Variants in ATM observed in about 807,000 individuals in gnomAD.
ATM encodes the protein ATM serine/threonine kinase.
Under a neutral mutation model 387.0 loss-of-function variants are expected in ATM, and 308 were observed. The ratio of observed to expected loss-of-function variants is 0.80; its 90% CI spans 0.73 to 0.87. The LOEUF is 0.87. Ranked by LOEUF, ATM falls within the 40% of genes least tolerant of loss-of-function variation. The pLI, the probability that ATM is intolerant of heterozygous loss-of-function variation, is 0.00. For synonymous variants in ATM, 1,156 were observed against 1,187.3 expected, an observed-to-expected ratio of 0.97 and a Z score of 0.54; for missense variants, 3,312 against 3,560.9, an observed-to-expected ratio of 0.93 and a Z score of 1.78.
intron 1 of ATM, chr11:108,226,405 A>G (rs527615274): frequency 6.6e-6 from 1 of 152,338 alleles, no homozygotes; most frequent in South Asian, 2.1e-4. Flanking sequence ...AGAGAGTTTG[A>G]TTATATCAGA....
chr11:108,241,534 T>G (rs2079556364), intron 5 of ATM, among the ~76,000 whole-genome samples: 1 of 151,078 alleles, frequency 6.6e-6, no homozygotes, highest in African/African-American at 2.5e-5. Flanking sequence ...AGTATTTAAA[T>G]AGGAATTTTT....
chr11:108,271,181 A>T (rs2135549719), intron 19 of ATM, 35 bp downstream of exon 19: 2 of 1,613,268 alleles, frequency 1.2e-6, no homozygotes, highest in Non-Finnish European at 1.7e-6. Context: ...TGTTCACTTT[A>T]AAGTTATAAA....
At chr11:108,356,329 A>T (rs1467527299) in intron 61 of ATM, among the ~76,000 whole-genome samples, 2 of 152,180 alleles carry the variant, frequency 1.3e-5, no homozygotes, top group East Asian at 3.8e-4. Context: ...TGAGGTCAGG[A>T]GTTCAAGACC....
rs754579737 is a variant in ATM at position 108,293,435 on chromosome 11, G to A, written c.4734G>A (p.Gln1578=). The change falls in exon 31 of 63, where the codon CAG becomes CAA. Residue 1578 remains glutamine (Q), a synonymous_variant. Coordinates refer to ENST00000675843, the MANE Select transcript of ATM (RefSeq NM_000051.4). ...TTTTTAAGGATTTGCGTATTACTCA[G>A]CAAAAAATCAAATACAGTAGAGGAC... ...HVVFKDLRIT[Q]QKIKYSRGPF... is the part of the protein sequence containing the mutation. 6.2e-7 allele frequency: 1 copy of A among 1,612,634 alleles called. No homozygotes were observed. Among genetic ancestry groups the A allele is most frequent in the South Asian group, 1.1e-5 (1 of 91,018 alleles).
rs587778069 is a variant in ATM, at chr11:108,271,098, A to G, written c.2873A>G (p.Glu958Gly). 5.6e-5 allele frequency: 90 copies of G among 1,614,012 alleles called. 1 individual carries two copies. The South Asian group carries it at 9.1e-4, about 16-fold the overall frequency. ...LMLLKELPGE[E>G]YPLPMEDVLE... is the part of the protein sequence containing the mutation. The stretch of plus-strand genomic sequence containing the variant: ...CTTTTAAAGGAGCTTCCTGGAGAAG[A>G]GTACCCCTTGCCAATGGAAGATGTT... The change falls in exon 19 of 63, where the codon GAG becomes GGG. Residue 958 changes from glutamate (E) to glycine (G), a missense_variant. Glu to Gly is a moderately conservative substitution (Grantham distance 98). This residue lies in a region of ATM where 1,791 missense variants were observed against 1,804.5 expected (regional missense o/e 0.99). Coordinates refer to ENST00000675843, the MANE Select transcript of ATM (RefSeq NM_000051.4).
At chr11:108,300,433 CTTAT>C (rs1347981276) in intron 34 of ATM, among the ~76,000 whole-genome samples, 2 of 152,192 alleles carry the variant, frequency 1.3e-5, no homozygotes, top group Non-Finnish European at 2.9e-5. Flanking sequence ...CTTTCTCTCT[CTTAT>C]TTATTTGTTG....
At chr11:108,252,068 GT>G (rs2080183793) in intron 11 of ATM, 37 bp downstream of exon 11, 11 of 1,578,884 alleles carry the variant, frequency 7.0e-6, no homozygotes, top group Non-Finnish European at 9.5e-6. Context: ...TGTTTTTTTT[GT>G]TTGTTTTATC....
At chr11:108,332,414 A>G (rs2136544294) in intron 52 of ATM, among the ~76,000 whole-genome samples, 1 of 152,244 alleles carries the variant, frequency 6.6e-6, no homozygotes, top group East Asian at 1.9e-4. Flanking sequence ...CCTGGGCAAC[A>G]AGAGCGAAAC....
Position 108,328,874 on chromosome 11 carries a change from T to C in ATM, c.7090-147T>C, listed in dbSNP as rs189336242. The C allele has an allele frequency of 3.9e-3, 3,358 of 870,210 alleles. 12 individuals are homozygous for C. The highest frequency in any genetic ancestry group is 5.1e-3 in the Non-Finnish European group (2,854 of 559,276). 53.9% of individuals were successfully genotyped at this position (870,210 alleles called of 1,614,324 possible). Reference sequence around the variant, plus strand: ...CCACATGCGGCCCATGGGCCGTGGGTTGGACAAGTTTGCAATAGTTCATAT... The same window carrying C: ...CCACATGCGGCCCATGGGCCGTGGGCTGGACAAGTTTGCAATAGTTCATAT... On this transcript the variant is annotated intron_variant, in intron 48 of 62. Coordinates refer to ENST00000675843, the MANE Select transcript of ATM (RefSeq NM_000051.4).
Position 108,271,106 on chromosome 11 carries a change from T to G in ATM, c.2881T>G (p.Leu961Val). Residue 961 changes from leucine (L) to valine (V), a missense_variant, in exon 19 of 63, where the codon TTG (leucine) becomes GTG (valine). Leu to Val is a conservative substitution (Grantham distance 32). Transcript: ENST00000675843. ...LKELPGEEYP[L>V]PMEDVLELLK... The stretch of plus-strand genomic sequence containing the variant: ...GGAGCTTCCTGGAGAAGAGTACCCC[T>G]TGCCAATGGAAGATGTTCTTGAACT... 1 of 1,614,158 alleles carries G rather than the reference T, an allele frequency of 6.2e-7. No individual in the cohort carries two copies. Among genetic ancestry groups the G allele is most frequent in the Non-Finnish European group, 8.5e-7 (1 of 1,180,034 alleles).
intron 54 of ATM, among the ~76,000 whole-genome samples, chr11:108,334,347 G>A (rs4988130): frequency 0.022 from 3,372 of 152,174 alleles, 127 homozygotes; most frequent in African/African-American, 0.076. Flanking sequence ...TGTATTGGCT[G>A]TGATATATCA....
chr11:108,257,341 T>C, intron 14 of ATM, 140 bp from the exon 15 acceptor site: 1 of 1,080,000 alleles, frequency 9.3e-7, no homozygotes. Context: ...ACGTGGAACT[T>C]CTAAAAACAT....
chr11:108,223,576 G>C (rs2078593602), intron 1 of ATM: 1 of 152,212 alleles, frequency 6.6e-6, no homozygotes. Flanking sequence ...CATACGGCTG[G>C]AATTGGAATT....
At chr11:108,321,189 T>A in intron 44 of ATM, 112 bp from the exon 45 acceptor site, 1 of 1,387,610 alleles carries the variant, frequency 7.2e-7, no homozygotes, top group South Asian at 1.2e-5. Flanking sequence ...GTTAGTATTA[T>A]TAGATCAGTA....
chr11:108,234,840 TAAAAAA>T (rs58530637), intron 4 of ATM, among the ~76,000 whole-genome samples: 1 of 148,200 alleles, frequency 6.7e-6, no homozygotes, highest in African/African-American at 2.5e-5. Context: ...GACCCTGTCT[TAAAAAA>T]AAAAATTACA....
intron 32 of ATM, among the ~76,000 whole-genome samples, chr11:108,296,196 G>A (rs1422913818): frequency 6.6e-6 from 1 of 151,324 alleles, no homozygotes; most frequent in Non-Finnish European, 1.5e-5. Flanking sequence ...TACAGTATTT[G>A]GGAAACTTTC....
At chr11:108,256,089 C>T in intron 13 of ATM, 126 bp from the exon 14 acceptor site, 3 of 823,524 alleles carry the variant, frequency 3.6e-6, no homozygotes, top group Non-Finnish European at 3.4e-6. Flanking sequence ...CCAGGATATG[C>T]CACCTTTAAC....
At chr11:108,233,268 T>G (rs2135093098) in intron 4 of ATM, among the ~76,000 whole-genome samples, 1 of 152,304 alleles carries the variant, frequency 6.6e-6, no homozygotes, top group African/African-American at 2.4e-5. Flanking sequence ...ATAAGATTCC[T>G]GAAAGTCTCT....
chr11:108,232,788 G>C (rs897535315), intron 4 of ATM, among the ~76,000 whole-genome samples: 1 of 151,696 alleles, frequency 6.6e-6, no homozygotes, highest in Non-Finnish European at 1.5e-5. Context: ...TGATCTGCCT[G>C]CCTCTGCCTT....
Sources: allele counts gnomAD v4.1 joint callset (sites outside exome capture counted in the v4.1 genomes callset), GRCh38; gene constraint gnomAD v4.1.1; regional missense constraint gnomAD v4.1.1; transcripts MANE v1.5; gene names NCBI Gene and HGNC (gene_info 2026-07-23, HGNC 2026-07-21).